DIAPH2: variants seen among roughly 807,000 people sequenced by gnomAD.
The protein encoded by DIAPH2 is protein diaphanous homolog 2.
In DIAPH2, 35 loss-of-function variants were observed where a neutral mutation model predicts 92.7. The observed-to-expected ratio is 0.38, with a 90% confidence interval of 0.29 to 0.50. The LOEUF is 0.50. Among genes scored for constraint, DIAPH2 ranks in the 20% least tolerant of loss-of-function variants. DIAPH2 has a pLI of 0.94. For synonymous variants in DIAPH2, 301 were observed against 280.4 expected, an observed-to-expected ratio of 1.07 and a Z score of -0.73; for missense variants, 701 against 819.5, an observed-to-expected ratio of 0.86 and a Z score of 1.77.
At chrX:97,015,818 C>A (rs1481917504) in intron 17 of DIAPH2, among the ~76,000 whole-genome samples, 5 of 103,756 alleles carry the variant, frequency 4.8e-5, no homozygotes, top group African/African-American at 1.8e-4. Flanking sequence ...CCTCATCTAG[C>A]AGTTTACAGC....
At chrX:97,371,960 CAG>C (rs1463049046) in intron 24 of DIAPH2, among the ~76,000 whole-genome samples, 1 of 112,633 alleles carries the variant, frequency 8.9e-6, no homozygotes, top group Non-Finnish European at 1.9e-5. Flanking sequence ...TTTTAATCAA[CAG>C]AGGTCTACAT....
intron 8 of DIAPH2, among the ~76,000 whole-genome samples, chrX:96,917,149 G>A (rs2065509859): frequency 9.0e-6 from 1 of 111,382 alleles, no homozygotes; most frequent in African/African-American, 3.2e-5. Context: ...TATTGAATCA[G>A]AAGCAAACTT....
intron 26 of DIAPH2, among the ~76,000 whole-genome samples, chrX:97,471,301 C>T (rs1461274710): frequency 5.4e-5 from 6 of 111,701 alleles, no homozygotes; most frequent in African/African-American, 2.0e-4. Context: ...ATACATAGGT[C>T]TGTTCTCCCT....
intron 26 of DIAPH2, among the ~76,000 whole-genome samples, chrX:97,540,324 C>T (rs914467050): frequency 1.8e-5 from 2 of 111,600 alleles, no homozygotes; most frequent in African/African-American, 6.5e-5. Context: ...CCTTCCCACC[C>T]CCATGCACGT....
At chrX:96,887,619 A>C (rs749232657) in intron 5 of DIAPH2, among the ~76,000 whole-genome samples, 125 of 111,961 alleles carry the variant, frequency 1.1e-3, no homozygotes, top group Non-Finnish European at 1.9e-3. Flanking sequence ...TACTATGGTC[A>C]TAATTATTAG....
chrX:97,136,407 A>AG (rs1396316346), intron 21 of DIAPH2, among the ~76,000 whole-genome samples: 1 of 112,044 alleles, frequency 8.9e-6, no homozygotes, highest in Non-Finnish European at 1.9e-5. Context: ...AGTAAATGGT[A>AG]GGGTCAAGGT....
At chrX:97,482,931 G>A (rs938897141) in intron 26 of DIAPH2, among the ~76,000 whole-genome samples, 1 of 111,098 alleles carries the variant, frequency 9.0e-6, no homozygotes, top group African/African-American at 3.3e-5. Context: ...GGGGTGGGGG[G>A]AGTAGAAACC....
intron 26 of DIAPH2, among the ~76,000 whole-genome samples, chrX:97,589,544 G>C (rs1422544119): frequency 1.8e-5 from 2 of 110,786 alleles, no homozygotes; most frequent in Non-Finnish European, 3.8e-5. Flanking sequence ...TGACTGCATA[G>C]TATCCCAATG....
At chrX:96,788,987 G>A (rs760351780) in intron 4 of DIAPH2, among the ~76,000 whole-genome samples, 2 of 112,467 alleles carry the variant, frequency 1.8e-5, no homozygotes, top group Non-Finnish European at 3.8e-5. Flanking sequence ...AGGTTTTTAA[G>A]AGCATTCCCA....
chrX:97,402,996 T>C (rs905651206), intron 25 of DIAPH2, among the ~76,000 whole-genome samples: 12 of 111,806 alleles, frequency 1.1e-4, no homozygotes, highest in Non-Finnish European at 1.1e-4. Context: ...AATGAAAATG[T>C]GGGACCTCTT....
chrX:96,897,994 C>T (rs1347838017), intron 5 of DIAPH2, among the ~76,000 whole-genome samples: 5 of 86,542 alleles, frequency 5.8e-5, no homozygotes, highest in Admixed American at 1.3e-4. Context: ...TTTGTTCTTG[C>T]GATAGTTTAC....
At chrX:96,962,354 C>CATATATATATACAT (rs1569436517) in intron 16 of DIAPH2, among the ~76,000 whole-genome samples, 10 of 42,136 alleles carry the variant, frequency 2.4e-4, no homozygotes, top group Non-Finnish European at 1.4e-4. Flanking sequence ...TATATATACA[C>CATATATATATACAT]ATATATATAT....
At chrX:97,360,679 CTG>C (rs1469010143) in intron 24 of DIAPH2, among the ~76,000 whole-genome samples, 6 of 111,445 alleles carry the variant, frequency 5.4e-5, no homozygotes, top group African/African-American at 2.0e-4. Flanking sequence ...GCAAATATAA[CTG>C]TATTAAACAA....
intron 22 of DIAPH2, among the ~76,000 whole-genome samples, chrX:97,145,097 A>G (rs142521383): frequency 0.011 from 1,204 of 112,013 alleles, 17 homozygotes; most frequent in Non-Finnish European, 0.014. Context: ...TAGCTCTACT[A>G]CCTATTAGTT....
chrX:96,720,442 T>A (rs1375544904), intron 1 of DIAPH2, among the ~76,000 whole-genome samples: 1 of 112,154 alleles, frequency 8.9e-6, no homozygotes, highest in Non-Finnish European at 1.9e-5. Context: ...TCTCAGTCTC[T>A]CTTCTAGGTT....
chrX:96,996,913 A>T (rs111391880), intron 17 of DIAPH2, among the ~76,000 whole-genome samples: 2 of 112,058 alleles, frequency 1.8e-5, no homozygotes, highest in Non-Finnish European at 3.8e-5. Flanking sequence ...AATAAAAGCA[A>T]TGAAGTAAAG....
chrX:97,505,820 A>C (rs1480802355), intron 26 of DIAPH2, among the ~76,000 whole-genome samples: 1 of 111,417 alleles, frequency 9.0e-6, no homozygotes, highest in Non-Finnish European at 1.9e-5. Flanking sequence ...TTGTATAAAA[A>C]TGCTGAGATG....
intron 22 of DIAPH2, among the ~76,000 whole-genome samples, chrX:97,206,950 G>A (rs2067801992): frequency 9.0e-6 from 1 of 110,696 alleles, no homozygotes. Context: ...CAATTACCTT[G>A]ACTCTGCTTT....
chrX:97,351,675 C>T (rs933072249), intron 24 of DIAPH2, among the ~76,000 whole-genome samples: 6 of 110,701 alleles, frequency 5.4e-5, no homozygotes, highest in Middle Eastern at 9.3e-3. Flanking sequence ...TGGTGGCGGG[C>T]GCCTGTAGTC....
Sources: allele counts gnomAD v4.1 joint callset (sites outside exome capture counted in the v4.1 genomes callset), GRCh38; gene constraint gnomAD v4.1.1; transcripts MANE v1.5; gene names NCBI Gene and HGNC (gene_info 2026-07-23, HGNC 2026-07-21).